GRIN2A: variants seen among roughly 807,000 people sequenced by gnomAD.
GRIN2A encodes glutamate receptor ionotropic, NMDA 2A.
A neutral mutation model predicts 113.4 loss-of-function variants in GRIN2A; 22 were observed. The ratio of observed to expected loss-of-function variants is 0.19; its 90% CI spans 0.14 to 0.28. The LOEUF is 0.28. Among genes scored for constraint, GRIN2A ranks in the 10% least tolerant of loss-of-function variants. GRIN2A has a pLI of 1.00. For synonymous variants in GRIN2A, 827 were observed against 738.4 expected (o/e 1.12, Z -1.94); for missense variants, 1,502 against 1,887.0 (o/e 0.80, Z 3.78).
chr16:9,785,625 G>C (rs1362948026), intron 11 of GRIN2A, among the ~76,000 whole-genome samples: 1 of 151,748 alleles, frequency 6.6e-6, no homozygotes. Context: ...GGGAGCAAAT[G>C]CCTGCTTTAA....
intron 4 of GRIN2A, among the ~76,000 whole-genome samples, chr16:9,883,253 G>C (rs2043520016): frequency 6.6e-6 from 1 of 152,182 alleles, no homozygotes; most frequent in Admixed American, 6.5e-5. Context: ...ATAAATGGCA[G>C]CTGAAGTCGT....
At chr16:9,851,100 G>A (rs2042875436) in intron 4 of GRIN2A, among the ~76,000 whole-genome samples, 2 of 152,160 alleles carry the variant, frequency 1.3e-5, no homozygotes, top group South Asian at 4.1e-4. Context: ...CACCAGAAAT[G>A]AATCTCAAAC....
intron 2 of GRIN2A, among the ~76,000 whole-genome samples, chr16:10,015,556 C>G (rs2046594635): frequency 6.6e-6 from 1 of 152,116 alleles, no homozygotes. Context: ...CTTTAAATTT[C>G]TGAACATACT....
At chr16:10,017,179 T>C (rs1162154012) in intron 2 of GRIN2A, among the ~76,000 whole-genome samples, 2 of 152,082 alleles carry the variant, frequency 1.3e-5, no homozygotes, top group Non-Finnish European at 2.9e-5. Flanking sequence ...AAAAACACCA[T>C]AGGAACATAG....
chr16:10,117,376 A>G (rs777024662), intron 2 of GRIN2A, among the ~76,000 whole-genome samples: 3 of 152,376 alleles, frequency 2.0e-5, no homozygotes, highest in Non-Finnish European at 4.4e-5. Context: ...AAAATAATCT[A>G]CTGTGGGTGG....
chr16:9,757,183 T>G lies in GRIN2A; in HGVS notation c.*5966A>C, dbSNP rs755801577. 2 of 218,770 alleles carry G rather than the reference T, an allele frequency of 9.1e-6. No individual in the cohort carries two copies. The highest frequency in any genetic ancestry group is 1.8e-5 in the Non-Finnish European group (2 of 109,002). The allele number at this position is 218,770 out of a possible 1,614,324, so 13.6% of individuals were successfully genotyped here. A position where few individuals can be genotyped will look rare whatever the true frequency, so the allele number is the denominator to read the frequency against. On this transcript the variant is annotated 3_prime_UTR_variant, in exon 13 of 13. Transcript: ENST00000330684. ...CATGATTTGGCAAGGACTGGAGAACTGGTTGGAACCAGACAAAAGCCTTCC... is the reference window on the plus strand; with the variant it reads ...CATGATTTGGCAAGGACTGGAGAACGGGTTGGAACCAGACAAAAGCCTTCC...
chr16:9,962,058 T>C (rs1243507706), intron 2 of GRIN2A, among the ~76,000 whole-genome samples: 4 of 152,180 alleles, frequency 2.6e-5, no homozygotes, highest in Non-Finnish European at 5.9e-5. Context: ...TGCCTAGCCA[T>C]ATGTAGAAAG....
chr16:9,982,236 C>T (rs1181123679), intron 2 of GRIN2A, among the ~76,000 whole-genome samples: 1 of 152,198 alleles, frequency 6.6e-6, no homozygotes, highest in African/African-American at 2.4e-5. Context: ...CCCATATTTG[C>T]TGGCAGTTCA....
chr16:9,799,215 C>T (rs991728724), intron 10 of GRIN2A, among the ~76,000 whole-genome samples: 1 of 152,160 alleles, frequency 6.6e-6, no homozygotes, highest in South Asian at 2.1e-4. Flanking sequence ...GCACTGTGTC[C>T]ACCCCTAACA....
intron 7 of GRIN2A, among the ~76,000 whole-genome samples, chr16:9,840,124 AT>A (rs2042647695): frequency 6.6e-6 from 1 of 152,192 alleles, no homozygotes; most frequent in African/African-American, 2.4e-5. Flanking sequence ...TCTCAAAAAA[AT>A]AAACTGTCTG....
At chr16:10,161,286 A>G (rs1053989196) in intron 2 of GRIN2A, among the ~76,000 whole-genome samples, 2 of 152,094 alleles carry the variant, frequency 1.3e-5, no homozygotes, top group Non-Finnish European at 2.9e-5. Flanking sequence ...CCCTTCTGCC[A>G]TGATTGTAAA....
At chr16:9,990,496 T>C (rs1370306425) in intron 2 of GRIN2A, among the ~76,000 whole-genome samples, 2 of 151,910 alleles carry the variant, frequency 1.3e-5, no homozygotes, top group Non-Finnish European at 2.9e-5. Flanking sequence ...TTACATAATA[T>C]GTCTATGTAA....
chr16:10,179,678 C>A, intron 2 of GRIN2A: 1 of 453,658 alleles, frequency 2.2e-6, no homozygotes, highest in Non-Finnish European at 4.1e-6. Flanking sequence ...CCATGGTACT[C>A]GTAAATCTCC....
chr16:10,097,407 T>C (rs780670212), intron 2 of GRIN2A, among the ~76,000 whole-genome samples: 4 of 152,186 alleles, frequency 2.6e-5, no homozygotes, highest in Non-Finnish European at 5.9e-5. Context: ...TCACCCTACA[T>C]ATATCATTTT....
chr16:9,957,710 C>T (rs2045339009), intron 2 of GRIN2A, among the ~76,000 whole-genome samples: 1 of 152,164 alleles, frequency 6.6e-6, no homozygotes, highest in African/African-American at 2.4e-5. Flanking sequence ...GGGGCTATCT[C>T]AACTCTTCCT....
At chr16:10,118,165 G>A (rs1422225725) in intron 2 of GRIN2A, among the ~76,000 whole-genome samples, 3 of 152,152 alleles carry the variant, frequency 2.0e-5, no homozygotes, top group Non-Finnish European at 4.4e-5. Context: ...AGAGGAAAGC[G>A]GAGCCCAGGT....
At chr16:9,823,645 G>A (rs889709885) in intron 9 of GRIN2A, among the ~76,000 whole-genome samples, 5 of 152,088 alleles carry the variant, frequency 3.3e-5, no homozygotes, top group Admixed American at 6.5e-5. Flanking sequence ...CTTTACAAAC[G>A]TCAGGTCATT....
chr16:9,865,715 A>AC (rs1360163636), intron 4 of GRIN2A, among the ~76,000 whole-genome samples: 1 of 152,184 alleles, frequency 6.6e-6, no homozygotes, highest in African/African-American at 2.4e-5. Flanking sequence ...ATGTGCCATA[A>AC]ACTGTTCTCA....
chr16:9,944,589 A>C (rs767670487), intron 2 of GRIN2A, among the ~76,000 whole-genome samples: 33 of 152,176 alleles, frequency 2.2e-4, no homozygotes, highest in Non-Finnish European at 3.7e-4. Context: ...CCCTGCATTA[A>C]AGATTTTAAT....
Sources: gnomAD v4.1 joint callset for allele counts (sites outside exome capture counted in the v4.1 genomes callset) on GRCh38, gnomAD v4.1.1 for gene constraint, MANE v1.5 for transcripts, NCBI Gene and HGNC (gene_info 2026-07-23, HGNC 2026-07-21) for gene names.